The following ATOSA variants were observed in gnomAD, a reference collection of about 807,000 sequenced individuals.
ATOSA encodes the protein atos homolog protein A.
chr15:52,708,766 A>G, the ATOSA span, among the ~76,000 whole-genome samples: 1 of 152,010 alleles, frequency 6.6e-6, no homozygotes, highest in African/African-American at 2.4e-5. Context: ...AATATTATCC[A>G]GTTGTTTACA....
chr15:52,669,258 G>C, the ATOSA span, among the ~76,000 whole-genome samples: 2 of 152,046 alleles, frequency 1.3e-5, no homozygotes, highest in Non-Finnish European at 2.9e-5. Context: ...AGCAAGCAAA[G>C]TAGGGTAACT....
At chr15:52,584,858 G>A in the ATOSA span, 1 of 1,613,260 alleles carries the variant, frequency 6.2e-7, no homozygotes, top group Non-Finnish European at 8.5e-7. Context: ...TTTGTCGTAG[G>A]AATGTCTGAT....
At chr15:52,586,403 C>T in the ATOSA span, 1 of 152,128 alleles carries the variant, frequency 6.6e-6, no homozygotes, top group South Asian at 2.1e-4. Flanking sequence ...ACACTGAGGT[C>T]AAAGGTCATA....
At chr15:52,708,237 C>T in the ATOSA span, among the ~76,000 whole-genome samples, 7 of 152,176 alleles carry the variant, frequency 4.6e-5, no homozygotes, top group African/African-American at 1.7e-4. Flanking sequence ...GAGCCACTCT[C>T]CTCTCTCACA....
chr15:52,587,384 G>A, the ATOSA span: 2 of 569,472 alleles, frequency 3.5e-6, no homozygotes, highest in South Asian at 2.5e-5. Context: ...TACCCCTAAG[G>A]AAACATTTTA....
At chr15:52,689,095 G>C in the ATOSA span, among the ~76,000 whole-genome samples, 1 of 151,824 alleles carries the variant, frequency 6.6e-6, no homozygotes, top group South Asian at 2.1e-4. Flanking sequence ...ATTCAACATC[G>C]TTTGTACTAT....
chr15:52,689,918 C>T, the ATOSA span, among the ~76,000 whole-genome samples: 1 of 152,150 alleles, frequency 6.6e-6, no homozygotes, highest in South Asian at 2.1e-4. Context: ...GCTCCTAAGC[C>T]AAAAGCTATA....
chr15:52,584,981 G>C, the ATOSA span: 3 of 1,502,256 alleles, frequency 2.0e-6, no homozygotes, highest in South Asian at 3.7e-5. Context: ...TTTAAAAATA[G>C]TGATTTGTTG....
chr15:52,595,712 A>G, the ATOSA span, among the ~76,000 whole-genome samples: 1 of 152,202 alleles, frequency 6.6e-6, no homozygotes, highest in Non-Finnish European at 1.5e-5. Context: ...ACACACACAC[A>G]TACATTCATT....
At chr15:52,663,183 TC>T in the ATOSA span, among the ~76,000 whole-genome samples, 1 of 152,162 alleles carries the variant, frequency 6.6e-6, no homozygotes, top group African/African-American at 2.4e-5. Flanking sequence ...TGTCCTTCCT[TC>T]CATTCCCTTC....
chr15:52,671,463 AC>A, the ATOSA span, among the ~76,000 whole-genome samples: 1 of 152,180 alleles, frequency 6.6e-6, no homozygotes, highest in Non-Finnish European at 1.5e-5. Context: ...TGTATTAAAC[AC>A]CTATGCACCT....
chr15:52,703,974 G>C, the ATOSA span, among the ~76,000 whole-genome samples: 4 of 151,708 alleles, frequency 2.6e-5, no homozygotes, highest in African/African-American at 9.7e-5. Flanking sequence ...ACTATTAAGA[G>C]AAAAAAGGCA....
chr15:52,608,239 G>C, the ATOSA span, among the ~76,000 whole-genome samples: 1 of 152,138 alleles, frequency 6.6e-6, no homozygotes, highest in Non-Finnish European at 1.5e-5. Context: ...TGGGGGAGCA[G>C]GGGGAGAACA....
the ATOSA span, among the ~76,000 whole-genome samples, chr15:52,690,020 TTG>T: frequency 6.6e-6 from 1 of 152,242 alleles, no homozygotes; most frequent in Non-Finnish European, 1.5e-5. Context: ...TAAGATTTTT[TTG>T]TGTTCTTTTT....
At chr15:52,694,022 C>T in the ATOSA span, among the ~76,000 whole-genome samples, 2 of 152,094 alleles carry the variant, frequency 1.3e-5, no homozygotes, top group Admixed American at 1.3e-4. Context: ...TATGGTATGA[C>T]TACTTTGCAT....
chr15:52,678,319 T>A, the ATOSA span: 6 of 566,970 alleles, frequency 1.1e-5, no homozygotes, highest in African/African-American at 1.1e-4. Flanking sequence ...GCCTCTGTGC[T>A]CTCCAGGCCA....
At chr15:52,619,846 A>C in the ATOSA span, among the ~76,000 whole-genome samples, 4 of 151,974 alleles carry the variant, frequency 2.6e-5, no homozygotes, top group Admixed American at 1.3e-4. Flanking sequence ...AGAAAAGAAA[A>C]GAAAAGAAAA....
At chr15:52,594,132 G>T in the ATOSA span, among the ~76,000 whole-genome samples, 1 of 152,160 alleles carries the variant, frequency 6.6e-6, no homozygotes, top group Non-Finnish European at 1.5e-5. Flanking sequence ...CATGGTGCTA[G>T]ACACAGAGAA....
the ATOSA span, among the ~76,000 whole-genome samples, chr15:52,622,638 G>A: frequency 1.3e-5 from 2 of 152,154 alleles, no homozygotes; most frequent in African/African-American, 4.8e-5. Flanking sequence ...TTTATATCAG[G>A]TGGTTAAGGA....
Sources: allele counts gnomAD v4.1 joint callset (sites outside exome capture counted in the v4.1 genomes callset), GRCh38; gene constraint gnomAD v4.1.1; transcripts MANE v1.5; gene names NCBI Gene and HGNC (gene_info 2026-07-23, HGNC 2026-07-21).